ZNF75D: variants seen among roughly 807,000 people sequenced by gnomAD.
The protein encoded by ZNF75D is zinc finger protein 75D.
Under a neutral mutation model 33.3 loss-of-function variants are expected in ZNF75D, and 33 were observed. The ratio of observed to expected loss-of-function variants is 0.99; its 90% CI spans 0.75 to 1.32. The LOEUF (loss-of-function observed/expected upper bound fraction) is 1.32. ZNF75D is among the 40% of genes most tolerant of loss of function. The probability of loss-of-function intolerance (pLI) is 0.00; values close to 1 mark genes in which losing one functional copy is unlikely to be tolerated. For missense variants in ZNF75D, 338 were observed against 367.5 expected (o/e 0.92, Z 0.66); for synonymous variants, 113 against 130.6 (o/e 0.87, Z 0.92).
intron 1 of ZNF75D, among the ~76,000 whole-genome samples, chrX:135,259,691 G>GTATCCTAA (rs2083829633): frequency 8.9e-6 from 1 of 111,791 alleles, no homozygotes; most frequent in African/African-American, 3.3e-5. Context: ...AGGAGATTTT[G>GTATCCTAA]GACTGAGACG....
intron 1 of ZNF75D, among the ~76,000 whole-genome samples, chrX:135,261,289 G>A (rs2083840748): frequency 8.9e-6 from 1 of 112,452 alleles, no homozygotes; most frequent in Non-Finnish European, 1.9e-5. Context: ...TTAGGGTGGA[G>A]AGTTCTGTAG....
chrX:135,258,802 A>G (rs781877986), intron 1 of ZNF75D, among the ~76,000 whole-genome samples: 9 of 111,770 alleles, frequency 8.1e-5, no homozygotes, highest in Admixed American at 2.8e-4. Context: ...AGTTTAATTA[A>G]ATCCCATTTG....
intron 1 of ZNF75D, among the ~76,000 whole-genome samples, chrX:135,309,253 T>C (rs1163823755): frequency 8.9e-6 from 1 of 111,906 alleles, no homozygotes; most frequent in African/African-American, 3.3e-5. Context: ...CAACAGTGTG[T>C]CCTTAATGTC....
intron 1 of ZNF75D, chrX:135,298,593 A>T (rs1386164797): frequency 2.7e-5 from 3 of 111,839 alleles, no homozygotes; most frequent in African/African-American, 9.7e-5. Context: ...AGAATTTTTT[A>T]AACAGCTAAA....
At chrX:135,308,561 A>G (rs782426984) in intron 1 of ZNF75D, among the ~76,000 whole-genome samples, 3 of 111,925 alleles carry the variant, frequency 2.7e-5, no homozygotes, top group East Asian at 2.8e-4. Flanking sequence ...TTCAGTTCCA[A>G]TCTCACCTTT....
chrX:135,258,578 C>A (rs1028602582), intron 1 of ZNF75D, among the ~76,000 whole-genome samples: 2 of 111,974 alleles, frequency 1.8e-5, no homozygotes, highest in Non-Finnish European at 1.9e-5. Context: ...TCCCTGTTGG[C>A]TGCATAGATG....
intron 1 of ZNF75D, among the ~76,000 whole-genome samples, chrX:135,333,003 C>T (rs2084668798): frequency 9.0e-6 from 1 of 111,452 alleles, no homozygotes; most frequent in South Asian, 3.8e-4. Flanking sequence ...ATTAAGTAGT[C>T]TCTAAGTGTT....
intron 1 of ZNF75D, among the ~76,000 whole-genome samples, chrX:135,274,788 G>GAAATGCTCACA (rs2083893987): frequency 9.0e-6 from 1 of 111,593 alleles, no homozygotes; most frequent in Non-Finnish European, 1.9e-5. Context: ...TTAATATCTG[G>GAAATGCTCACA]GTCATTTCCA....
chrX:135,299,009 T>C (rs1419661515), intron 1 of ZNF75D, among the ~76,000 whole-genome samples: 2 of 112,621 alleles, frequency 1.8e-5, no homozygotes, highest in East Asian at 5.5e-4. Context: ...TGTGGATATA[T>C]GACATTTTGT....
At chrX:135,331,615 G>A (rs1324935116) in intron 1 of ZNF75D, among the ~76,000 whole-genome samples, 2 of 111,028 alleles carry the variant, frequency 1.8e-5, no homozygotes, top group Non-Finnish European at 3.8e-5. Flanking sequence ...CAAATTCCAA[G>A]CATTTCTCTT....
chrX:135,318,089 T>TGTATA (rs67277814), intron 1 of ZNF75D, among the ~76,000 whole-genome samples: 4 of 83,386 alleles, frequency 4.8e-5, no homozygotes, highest in Admixed American at 2.7e-4. Flanking sequence ...ATATATATAT[T>TGTATA]TTTTTTTTTT....
Position 135,291,539 on chromosome X carries a change from G to A in ZNF75D, c.629C>T (p.Ala210Val), listed in dbSNP as rs1556421254. The change falls in exon 5 of 7, where the codon GCC becomes GTC. Residue 210 changes from alanine (A) to valine (V), a missense_variant. This residue lies in a region of ZNF75D where 254 missense variants were observed against 267.7 expected (regional missense o/e 0.95). Coordinates refer to ENST00000370766, the MANE Select transcript of ZNF75D (RefSeq NM_007131.5). ...ERAVHDQQML[A>V]LSEQKRIKHW... ...TTTGATTCTTTTCTGCTCAGAAAGGGCTAACATCTGTTGATCATGCACAGC... is the reference window on the plus strand; with the variant it reads ...TTTGATTCTTTTCTGCTCAGAAAGGACTAACATCTGTTGATCATGCACAGC... 8.3e-7 allele frequency: 1 copy of A among 1,210,030 alleles called. No homozygotes were observed. The highest frequency in any genetic ancestry group is 3.0e-5 in the East Asian group (1 of 33,842).
rs1556445747 is a variant in ZNF75D, at chrX:135,343,116, C to T, written c.-1739G>A. ...ATCACTGGCCCGTGTAAGGTCTACT[C>T]AGGGCAATCAAGAAAATCTGAATGG... On this transcript the variant is annotated 5_prime_UTR_variant, in exon 1 of 7. Coordinates refer to ENST00000370766, the MANE Select transcript of ZNF75D (RefSeq NM_007131.5). The T allele has an allele frequency of 1.8e-5, 2 of 111,953 alleles. No individual in the cohort carries two copies. Among genetic ancestry groups the T allele is most frequent in the African/African-American group, 3.3e-5 (1 of 30,703 alleles). 9.2% of individuals were successfully genotyped at this position (111,953 alleles called of 1,213,427 possible). A position where few individuals can be genotyped will look rare whatever the true frequency, so the allele number is the denominator to read the frequency against.
At chrX:135,265,495 A>T (rs1022498292) in intron 1 of ZNF75D, among the ~76,000 whole-genome samples, 4 of 112,071 alleles carry the variant, frequency 3.6e-5, no homozygotes, top group African/African-American at 1.3e-4. Flanking sequence ...TGGAGTGCCA[A>T]TACATCTGGA....
intron 1 of ZNF75D, among the ~76,000 whole-genome samples, chrX:135,277,206 T>G (rs2083902364): frequency 8.9e-6 from 1 of 112,556 alleles, no homozygotes; most frequent in Admixed American, 9.4e-5. Context: ...AGATATCTCA[T>G]GGTGGTTTTG....
chrX:135,290,987 A>G (rs1379341341), intron 6 of ZNF75D, 22 bp downstream of exon 6: 6 of 1,197,518 alleles, frequency 5.0e-6, no homozygotes, highest in Non-Finnish European at 6.8e-6. Context: ...ACTTCTACAC[A>G]ATGGGAAGGA....
At chrX:135,262,175 T>C (rs1437188108) in intron 1 of ZNF75D, among the ~76,000 whole-genome samples, 4 of 112,376 alleles carry the variant, frequency 3.6e-5, no homozygotes, top group African/African-American at 1.3e-4. Context: ...GTTAGTCTGA[T>C]GGGCTTCCCT....
At chrX:135,325,593 C>T (rs782286545) in intron 1 of ZNF75D, among the ~76,000 whole-genome samples, 20 of 112,709 alleles carry the variant, frequency 1.8e-4, no homozygotes, top group Non-Finnish European at 2.4e-4. Context: ...GGACGTAGCA[C>T]CCGGGCCAGC....
chrX:135,331,105 T>C (rs1320995143), intron 1 of ZNF75D, among the ~76,000 whole-genome samples: 2 of 111,846 alleles, frequency 1.8e-5, no homozygotes, highest in Non-Finnish European at 3.8e-5. Flanking sequence ...GATACCTTTT[T>C]ATTCTGATGC....
Sources: gnomAD v4.1 joint callset for allele counts (sites outside exome capture counted in the v4.1 genomes callset) on GRCh38, gnomAD v4.1.1 for gene constraint, gnomAD v4.1.1 regional missense constraint, MANE v1.5 for transcripts, NCBI Gene and HGNC (gene_info 2026-07-23, HGNC 2026-07-21) for gene names.